Variants in CCNY observed in about 807,000 individuals in gnomAD.
CCNY encodes cyclin-Y.
CCNY carries 19 observed loss-of-function variants against 42.8 expected under a neutral mutation model. That is an observed-to-expected ratio of 0.44 (90% confidence interval 0.31 to 0.65). CCNY has a LOEUF of 0.65. Among genes scored for constraint, CCNY ranks in the 30% least tolerant of loss-of-function variants. The probability of loss-of-function intolerance (pLI) is 0.07; values close to 1 mark genes in which losing one functional copy is unlikely to be tolerated. For missense variants in CCNY, 370 were observed against 437.3 expected (o/e 0.85, Z 1.37); for synonymous variants, 165 against 162.7 (o/e 1.01, Z -0.11).
chr10:35,355,549 A>G (rs1836526288), intron 1 of CCNY, among the ~76,000 whole-genome samples: 2 of 151,714 alleles, frequency 1.3e-5, no homozygotes, highest in African/African-American at 4.8e-5. Context: ...GTGGTAGCGC[A>G]TGCCTGTAGT....
chr10:35,313,977 G>GA (rs71523375), intron 3 of CCNY, among the ~76,000 whole-genome samples: 9,941 of 79,088 alleles, frequency 0.13, 708 homozygotes, highest in East Asian at 0.37. Flanking sequence ...GTTCATCTCG[G>GA]AAAAAAAAAA....
At chr10:35,273,487 G>A (rs1835198375) in intron 3 of CCNY, among the ~76,000 whole-genome samples, 1 of 152,048 alleles carries the variant, frequency 6.6e-6, no homozygotes, top group Non-Finnish European at 1.5e-5. Context: ...TTACAGGCAT[G>A]AGCCACTGTG....
At chr10:35,542,156 T>C (rs1841015482) in intron 7 of CCNY, among the ~76,000 whole-genome samples, 1 of 149,078 alleles carries the variant, frequency 6.7e-6, no homozygotes, top group African/African-American at 2.5e-5. Flanking sequence ...TCCTCTTGGC[T>C]GTGATAGTTT....
intron 1 of CCNY, among the ~76,000 whole-genome samples, chr10:35,360,019 C>T (rs1179947224): frequency 1.3e-5 from 2 of 152,148 alleles, no homozygotes; most frequent in East Asian, 3.9e-4. Flanking sequence ...TCTTGTTGGA[C>T]AGTTGAGTTG....
Position 35,304,297 on chromosome 10 carries a change from T to TA in CCNY, c.-9+53671_-9+53672insA, listed in dbSNP as rs1373101265. 2.4e-4 allele frequency among the ~76,000 whole-genome samples: 27 copies of TA among 113,358 alleles called. 7 individuals carry two copies. The South Asian group carries it at 4.6e-3, about 19-fold the overall frequency. The allele number at this position is 113,358 out of a possible 152,430, so 74.4% of individuals were successfully genotyped here. ...GAAAAGGCTTTTTTCTCCTTTTATT[T>TA]TTTTTTTTTTTTTATTTTTTATTTT... On this transcript the variant is annotated intron_variant, in intron 3 of 11. Transcript: ENST00000374706.
chr10:35,365,887 G>GTT (rs1836798364), intron 1 of CCNY, among the ~76,000 whole-genome samples: 2 of 152,186 alleles, frequency 1.3e-5, no homozygotes, highest in Admixed American at 1.3e-4. Flanking sequence ...CAGCTACAAA[G>GTT]TTATTAGTGT....
intron 3 of CCNY, among the ~76,000 whole-genome samples, chr10:35,293,320 C>T (rs935457521): frequency 9.2e-5 from 14 of 152,190 alleles, no homozygotes; most frequent in Non-Finnish European, 1.0e-4. Flanking sequence ...ACTCTCAGGA[C>T]AGTAAGGTTC....
chr10:35,461,121 G>A (rs1472182870), intron 1 of CCNY, among the ~76,000 whole-genome samples: 1 of 152,148 alleles, frequency 6.6e-6, no homozygotes, highest in Non-Finnish European at 1.5e-5. Flanking sequence ...GGAAGCAAGT[G>A]GGGGATCTGA....
intron 4 of CCNY, among the ~76,000 whole-genome samples, chr10:35,522,901 C>G (rs991854991): frequency 2.0e-4 from 30 of 152,150 alleles, no homozygotes; most frequent in African/African-American, 7.0e-4. Flanking sequence ...CCCAGTGGAC[C>G]CTTCAGGTTT....
chr10:35,409,638 A>C (rs1055316025), intron 1 of CCNY, among the ~76,000 whole-genome samples: 4 of 152,222 alleles, frequency 2.6e-5, no homozygotes, highest in Non-Finnish European at 5.9e-5. Flanking sequence ...TGATTTACAG[A>C]TAATTCCCAT....
intron 3 of CCNY, 132 bp downstream of exon 3, chr10:35,501,667 G>A: frequency 1.3e-6 from 1 of 790,442 alleles, no homozygotes; most frequent in South Asian, 1.5e-5. Flanking sequence ...GTGTACTTAT[G>A]CTTAGTTTGG....
chr10:35,538,976 C>T (rs947051168), intron 7 of CCNY, among the ~76,000 whole-genome samples: 1 of 152,140 alleles, frequency 6.6e-6, no homozygotes, highest in Non-Finnish European at 1.5e-5. Flanking sequence ...GGTCCACATT[C>T]GTTCTTGTGC....
intron 1 of CCNY, among the ~76,000 whole-genome samples, chr10:35,339,828 T>A (rs901037814): frequency 2.6e-5 from 4 of 152,228 alleles, no homozygotes; most frequent in Non-Finnish European, 5.9e-5. Flanking sequence ...TTAATGTGTC[T>A]TTTTGCTCAG....
chr10:35,334,220 GTC>G (rs965218295), upstream of CCNY, among the ~76,000 whole-genome samples: 2 of 152,170 alleles, frequency 1.3e-5, no homozygotes, highest in African/African-American at 4.8e-5. Context: ...TAGTGCCACT[GTC>G]TCTTTCTCCT....
chr10:35,313,384 T>C (rs904632163), intron 3 of CCNY, among the ~76,000 whole-genome samples: 4 of 152,264 alleles, frequency 2.6e-5, no homozygotes, highest in African/African-American at 9.6e-5. Flanking sequence ...GGTAGAGCTG[T>C]GTCGCTTGTT....
chr10:35,290,658 C>A (rs563084539), intron 3 of CCNY, among the ~76,000 whole-genome samples: 34 of 152,172 alleles, frequency 2.2e-4, no homozygotes, highest in African/African-American at 7.5e-4. Context: ...TCATCACATA[C>A]AATTTTACAT....
At chr10:35,368,928 G>A (rs1836869651) in intron 1 of CCNY, among the ~76,000 whole-genome samples, 1 of 152,178 alleles carries the variant, frequency 6.6e-6, no homozygotes, top group Admixed American at 6.5e-5. Context: ...TACTTCCACT[G>A]CTCACTTCTG....
chr10:35,471,195 G>GATGATT (rs933380648), intron 1 of CCNY, among the ~76,000 whole-genome samples: 3 of 152,212 alleles, frequency 2.0e-5, no homozygotes, highest in African/African-American at 7.2e-5. Context: ...ATCTTGTGGA[G>GATGATT]ATGATTTATT....
intron 3 of CCNY, among the ~76,000 whole-genome samples, chr10:35,503,014 A>G (rs1232655961): frequency 1.3e-5 from 2 of 152,112 alleles, no homozygotes; most frequent in Non-Finnish European, 2.9e-5. Context: ...TCGCTCTGTT[A>G]TCATTGTAGC....
Sources: gnomAD v4.1 joint callset for allele counts (sites outside exome capture counted in the v4.1 genomes callset) on GRCh38, gnomAD v4.1.1 for gene constraint, MANE v1.5 for transcripts, NCBI Gene and HGNC (gene_info 2026-07-23, HGNC 2026-07-21) for gene names.